POFUT3: variants seen among roughly 807,000 people sequenced by gnomAD.
POFUT3 encodes the protein protein O-fucosyltransferase 3.
chr8:33,395,491 G>T, the POFUT3 span, among the ~76,000 whole-genome samples: 7 of 151,926 alleles, frequency 4.6e-5, no homozygotes, highest in African/African-American at 1.5e-4. Context: ...AACTCCAGGG[G>T]AAGATCATCT....
the POFUT3 span, chr8:33,339,071 T>C: frequency 1.8e-4 from 28 of 152,148 alleles, 1 homozygote; most frequent in African/African-American, 6.7e-4. Flanking sequence ...AGACAATCAA[T>C]AGATGCAACT....
At chr8:33,406,444 CT>C in the POFUT3 span, among the ~76,000 whole-genome samples, 1 of 151,918 alleles carries the variant, frequency 6.6e-6, no homozygotes, top group Non-Finnish European at 1.5e-5. Flanking sequence ...TAGTATACTT[CT>C]TTTTTATTTT....
the POFUT3 span, chr8:33,389,361 C>G: frequency 6.2e-7 from 1 of 1,614,170 alleles, no homozygotes; most frequent in Non-Finnish European, 8.5e-7. Context: ...TTATACTGTG[C>G]AATGATCCTA....
chr8:33,461,191 AAGGGAGGG>A, the POFUT3 span, among the ~76,000 whole-genome samples: 2,192 of 26,180 alleles, frequency 0.084, 75 homozygotes, highest in African/African-American at 0.13. Context: ...GGAAGGAAGG[AAGGGAGGG>A]AGGGAGGGAG....
At chr8:33,399,711 G>C in the POFUT3 span, among the ~76,000 whole-genome samples, 1 of 151,766 alleles carries the variant, frequency 6.6e-6, no homozygotes, top group African/African-American at 2.4e-5. Context: ...CTGGAATGCA[G>C]AGGCACAATC....
At chr8:33,358,341 C>A in the POFUT3 span, among the ~76,000 whole-genome samples, 1 of 151,938 alleles carries the variant, frequency 6.6e-6, no homozygotes, top group African/African-American at 2.4e-5. Flanking sequence ...CATAAAAGAC[C>A]AAAACCACAG....
At chr8:33,384,224 A>C in the POFUT3 span, among the ~76,000 whole-genome samples, 14 of 152,146 alleles carry the variant, frequency 9.2e-5, no homozygotes, top group Non-Finnish European at 1.9e-4. Flanking sequence ...ACATTGTAGG[A>C]ATGATGGAGG....
chr8:33,452,691 C>A, the POFUT3 span: 43 of 13,520 alleles, frequency 3.2e-3, no homozygotes, highest in Non-Finnish European at 8.6e-4. Flanking sequence ...TACACAAACA[C>A]ACACACACAC....
chr8:33,433,238 A>T, the POFUT3 span, among the ~76,000 whole-genome samples: 1 of 152,084 alleles, frequency 6.6e-6, no homozygotes, highest in Non-Finnish European at 1.5e-5. Flanking sequence ...TCTCAAAAAA[A>T]AAAATCATTC....
chr8:33,315,223 T>C, the POFUT3 span, among the ~76,000 whole-genome samples: 3 of 152,166 alleles, frequency 2.0e-5, no homozygotes, highest in Admixed American at 6.6e-5. Flanking sequence ...TGAATTTGTG[T>C]CCTTGCTCAT....
the POFUT3 span, among the ~76,000 whole-genome samples, chr8:33,438,890 G>A: frequency 2.0e-5 from 3 of 152,228 alleles, no homozygotes; most frequent in South Asian, 2.1e-4. Flanking sequence ...GGGGGAAACC[G>A]CTCCTATGAC....
At chr8:33,436,334 T>G in the POFUT3 span, 6 of 1,336,614 alleles carry the variant, frequency 4.5e-6, no homozygotes, top group Non-Finnish European at 6.4e-6. Flanking sequence ...CTGCATCCTC[T>G]GCCCGCTCCA....
the POFUT3 span, among the ~76,000 whole-genome samples, chr8:33,440,103 C>T: frequency 0.04 from 6,080 of 152,004 alleles, 178 homozygotes; most frequent in Non-Finnish European, 0.063. Flanking sequence ...TGGCTCATAC[C>T]TGTAATCCCA....
the POFUT3 span, among the ~76,000 whole-genome samples, chr8:33,356,989 C>T: frequency 6.6e-6 from 1 of 151,956 alleles, no homozygotes; most frequent in African/African-American, 2.4e-5. Flanking sequence ...TGTAGATATG[C>T]AGTGTTATTT....
chr8:33,331,081 T>C, the POFUT3 span, among the ~76,000 whole-genome samples: 1 of 152,148 alleles, frequency 6.6e-6, no homozygotes, highest in Non-Finnish European at 1.5e-5. Flanking sequence ...GGCTCACGCT[T>C]GTAATCCCAG....
the POFUT3 span, among the ~76,000 whole-genome samples, chr8:33,466,508 G>A: frequency 1.3e-5 from 2 of 151,800 alleles, no homozygotes; most frequent in Non-Finnish European, 2.9e-5. Context: ...AGAAGGGCAG[G>A]GCAGGGAAGG....
At chr8:33,380,161 T>TATATATATAC in the POFUT3 span, among the ~76,000 whole-genome samples, 1 of 57,044 alleles carries the variant, frequency 1.8e-5, no homozygotes, top group African/African-American at 9.2e-5. Context: ...TATATATATA[T>TATATATATAC]ACTATATATA....
chr8:33,348,056 TA>T, the POFUT3 span, among the ~76,000 whole-genome samples: 1 of 151,418 alleles, frequency 6.6e-6, no homozygotes, highest in South Asian at 2.1e-4. Context: ...TGGGCACCTG[TA>T]ATCTCAGCCA....
chr8:33,308,375 T>A, the POFUT3 span, among the ~76,000 whole-genome samples: 1 of 152,162 alleles, frequency 6.6e-6, no homozygotes, highest in African/African-American at 2.4e-5. Context: ...TCCTATTCTG[T>A]CTCTGGCTAA....
Sources: allele counts gnomAD v4.1 joint callset (sites outside exome capture counted in the v4.1 genomes callset), GRCh38; gene constraint gnomAD v4.1.1; transcripts MANE v1.5; gene names NCBI Gene and HGNC (gene_info 2026-07-23, HGNC 2026-07-21).